The following PREX2 variants were observed in gnomAD, a reference collection of about 807,000 sequenced individuals.
PREX2 encodes the protein phosphatidylinositol 3,4,5-trisphosphate-dependent Rac exchanger 2 protein.
Under a neutral mutation model 203.2 loss-of-function variants are expected in PREX2, and 107 were observed. That is an observed-to-expected ratio of 0.53 (90% CI 0.45 to 0.62). The LOEUF is 0.62. Among genes scored for constraint, PREX2 ranks in the 20% least tolerant of loss-of-function variants. PREX2 has a pLI of 0.00. For synonymous variants in PREX2, 672 were observed against 663.6 expected (o/e 1.01, Z -0.19); for missense variants, 1,777 against 1,955.9 (o/e 0.91, Z 1.72).
In PREX2 at chr8:68,044,590, G is replaced by A. The variant is rs184081186; in HGVS notation, c.943G>A (p.Ala315Thr). ...MEVENVDDGT[A>T]DFHSSGHIVV... ...AGTGGAGAATGTGGATGATGGCACC[G>A]GTAAGTGATTTGTAGATTTTAAATG... Residue 315 changes from alanine to threonine, a missense_variant and splice_region_variant, in exon 8 of 40, where the codon GCT (alanine) becomes ACT (threonine). By Grantham distance (58) the Ala-to-Thr change is moderately conservative. Coordinates refer to ENST00000288368, the MANE Select transcript of PREX2 (RefSeq NM_024870.4). 5.4e-5 allele frequency: 87 copies of A among 1,606,120 alleles called. No homozygotes were observed. The East Asian group carries it at 1.1e-3, about 21-fold the overall frequency.
chr8:68,075,017 A>G (rs1483281575), intron 14 of PREX2, among the ~76,000 whole-genome samples: 1 of 152,208 alleles, frequency 6.6e-6, no homozygotes, highest in Non-Finnish European at 1.5e-5. Context: ...CTTATTTGGC[A>G]TGTGCAGTAA....
chr8:68,064,288 T>C (rs1808950753), intron 11 of PREX2, among the ~76,000 whole-genome samples: 1 of 152,148 alleles, frequency 6.6e-6, no homozygotes, highest in Admixed American at 6.5e-5. Flanking sequence ...GCTGATTAGT[T>C]TTTAAACACA....
intron 37 of PREX2, among the ~76,000 whole-genome samples, chr8:68,211,958 T>C (rs146521384): frequency 3.0e-4 from 45 of 152,348 alleles, no homozygotes; most frequent in African/African-American, 8.7e-4. Flanking sequence ...TAAATTACTT[T>C]GGTAATTTAC....
intron 35 of PREX2, among the ~76,000 whole-genome samples, chr8:68,166,374 C>T (rs1375473677): frequency 1.3e-5 from 2 of 151,986 alleles, no homozygotes; most frequent in Non-Finnish European, 2.9e-5. Context: ...ATATGTCGAC[C>T]TAAAAGGAAG....
intron 37 of PREX2, among the ~76,000 whole-genome samples, chr8:68,195,540 A>G (rs1422895484): frequency 6.6e-6 from 1 of 152,178 alleles, no homozygotes; most frequent in African/African-American, 2.4e-5. Flanking sequence ...GATATGTGTT[A>G]ATTTATATTA....
chr8:68,194,100 A>C (rs1812348131), intron 37 of PREX2, among the ~76,000 whole-genome samples: 2 of 152,204 alleles, frequency 1.3e-5, no homozygotes, highest in Admixed American at 1.3e-4. Context: ...TTTTGCTAGC[A>C]AAGAAATAAT....
At chr8:68,056,978 C>A (rs192020784) in intron 10 of PREX2, among the ~76,000 whole-genome samples, 2 of 152,294 alleles carry the variant, frequency 1.3e-5, no homozygotes, top group Admixed American at 1.3e-4. Context: ...GAACACACAA[C>A]ATAATCATAG....
chr8:68,062,684 T>A (rs150568070), intron 11 of PREX2, among the ~76,000 whole-genome samples: 1 of 152,318 alleles, frequency 6.6e-6, no homozygotes, highest in African/African-American at 2.4e-5. Context: ...TCATTACTCA[T>A]GTCTTCCATG....
At position 68,026,841 on chromosome 8, in the gene PREX2, A is replaced by G. The variant is rs1807730308; in HGVS notation, c.442-381A>G. 2.0e-5 allele frequency among the ~76,000 whole-genome samples: 3 copies of G among 152,256 alleles called. No homozygotes were observed. The South Asian group carries it at 6.2e-4, about 32-fold the overall frequency. ...CAACTGTCTTGATACTTGCCCTTCT[A>G]CAACATAATATACCTTTCTTTATAA... On this transcript the variant is annotated intron_variant, in intron 4 of 39. Coordinates refer to ENST00000288368, the MANE Select transcript of PREX2 (RefSeq NM_024870.4).
At chr8:68,145,005 A>G (rs537464591) in intron 33 of PREX2, among the ~76,000 whole-genome samples, 1 of 152,274 alleles carries the variant, frequency 6.6e-6, no homozygotes, top group Non-Finnish European at 1.5e-5. Context: ...AACACAAATT[A>G]AAATATATAT....
chr8:68,021,372 A>G (rs192184749), intron 3 of PREX2, among the ~76,000 whole-genome samples: 3 of 152,248 alleles, frequency 2.0e-5, no homozygotes, highest in Admixed American at 1.3e-4. Flanking sequence ...TGATTTCCTG[A>G]CTTTTCTATA....
intron 1 of PREX2, among the ~76,000 whole-genome samples, chr8:67,960,672 G>C (rs560854611): frequency 3.9e-4 from 59 of 152,228 alleles, no homozygotes; most frequent in African/African-American, 1.3e-3. Flanking sequence ...CTTGCTATCC[G>C]ATGGTCGTTC....
chr8:67,972,660 C>T (rs1329080831), intron 1 of PREX2, among the ~76,000 whole-genome samples: 2 of 152,184 alleles, frequency 1.3e-5, no homozygotes, highest in Non-Finnish European at 1.5e-5. Flanking sequence ...TGTAGGGCCT[C>T]CCTTAGGTTC....
rs1813179977 is a variant in PREX2, at chr8:68,232,064, A to G, written c.*686A>G. 1 of 152,144 alleles carries G rather than the reference A, an allele frequency of 6.6e-6. No homozygotes were observed. Among genetic ancestry groups the G allele is most frequent in the Non-Finnish European group, 1.5e-5 (1 of 68,038 alleles). 9.4% of individuals were successfully genotyped at this position (152,144 alleles called of 1,614,324 possible). A position where few individuals can be genotyped will look rare whatever the true frequency, so the allele number is the denominator to read the frequency against. ...TTATTCTTGTGGACAGCTCTAGCAA[A>G]TCAATGCTATTTTTGGTGTCTGCAA... is the stretch of plus-strand genomic sequence containing the variant. On this transcript the variant is annotated 3_prime_UTR_variant, in exon 40 of 40. Coordinates refer to ENST00000288368, the MANE Select transcript of PREX2 (RefSeq NM_024870.4).
intron 9 of PREX2, among the ~76,000 whole-genome samples, 156 bp from the exon 10 acceptor site, chr8:68,055,674 G>A (rs987718321): frequency 5.3e-5 from 8 of 152,072 alleles, no homozygotes; most frequent in Non-Finnish European, 7.3e-5. Context: ...TAGCCCCTGA[G>A]CTTCTTGAAC....
intron 38 of PREX2, among the ~76,000 whole-genome samples, chr8:68,220,659 A>G (rs1035155903): frequency 6.6e-6 from 1 of 152,158 alleles, no homozygotes; most frequent in African/African-American, 2.4e-5. Flanking sequence ...ATCAAGACTC[A>G]GAACAGGGAG....
intron 35 of PREX2, among the ~76,000 whole-genome samples, chr8:68,177,682 T>C (rs1812007544): frequency 6.6e-6 from 1 of 152,192 alleles, no homozygotes; most frequent in Non-Finnish European, 1.5e-5. Context: ...TGCAGGTTTG[T>C]TACATAGGTA....
chr8:68,146,308 A>G lies in PREX2; in HGVS notation c.4187A>G (p.Lys1396Arg). The change falls in exon 34 of 40, where the codon AAA (lysine) becomes AGA (arginine). Residue 1396 changes from lysine to arginine, a missense_variant. Physicochemically the swap from Lys to Arg is conservative, Grantham distance 26 (BLOSUM62 2). Coordinates refer to ENST00000288368, the MANE Select transcript of PREX2 (RefSeq NM_024870.4). Reference protein sequence around the residue: ...YHFEQLPQRLKNGGGFKIHPV... With the variant: ...YHFEQLPQRLRNGGGFKIHPV... ...TTTGAACAACTTCCTCAACGGCTGA[A>G]AAATGGAGGAGGGTTTAAAATTCAT... is the stretch of plus-strand genomic sequence containing the variant. 4.3e-6 allele frequency: 7 copies of G among 1,613,024 alleles called. No individual in the cohort carries two copies. The highest frequency in any genetic ancestry group is 5.9e-6 in the Non-Finnish European group (7 of 1,179,470).
intron 30 of PREX2, among the ~76,000 whole-genome samples, chr8:68,127,064 T>C (rs1300872942): frequency 6.6e-6 from 1 of 152,118 alleles, no homozygotes; most frequent in Non-Finnish European, 1.5e-5. Context: ...CCTAAAAAGC[T>C]GCCAGGATTT....
Sources: allele counts gnomAD v4.1 joint callset (sites outside exome capture counted in the v4.1 genomes callset), GRCh38; gene constraint gnomAD v4.1.1; transcripts MANE v1.5; gene names NCBI Gene and HGNC (gene_info 2026-07-23, HGNC 2026-07-21).